ATP9B: variants seen among roughly 807,000 people sequenced by gnomAD.
ATP9B encodes the protein probable phospholipid-transporting ATPase IIB.
In ATP9B, 110 loss-of-function variants were observed where a neutral mutation model predicts 146.1. That is an observed-to-expected ratio of 0.75 (90% CI 0.65 to 0.88). The LOEUF is 0.88. Ranked by LOEUF, ATP9B falls within the 40% of genes least tolerant of loss-of-function variation. The probability of loss-of-function intolerance (pLI) is 0.00; values close to 1 mark genes in which losing one functional copy is unlikely to be tolerated. For missense variants in ATP9B, 1,499 were observed against 1,496.4 expected (o/e 1.00, Z -0.03); for synonymous variants, 604 against 569.7 (o/e 1.06, Z -0.86).
Position 79,153,576 on chromosome 18 carries a change from A to G in ATP9B, c.727-928A>G, listed in dbSNP as rs926312218. Among the ~76,000 whole-genome samples the G allele has an allele frequency of 3.3e-5, 5 of 152,252 alleles. No homozygotes were observed. In the East Asian group the frequency reaches 9.6e-4, roughly 29 times the overall value. On this transcript the variant is annotated intron_variant, in intron 6 of 29. Coordinates refer to ENST00000426216, the MANE Select transcript of ATP9B (RefSeq NM_198531.5). ...GGAGGACATAATTTTTTATAAGGCA[A>G]TACCTGCTGTGTTACATGTACAGAC...
At chr18:79,327,587 G>T (rs1272848661) in intron 15 of ATP9B, among the ~76,000 whole-genome samples, 5 of 133,856 alleles carry the variant, frequency 3.7e-5, no homozygotes, top group South Asian at 2.5e-4. Flanking sequence ...GCTCTCCGTG[G>T]TTAACGTGCC....
At chr18:79,191,710 G>A (rs554266332) in intron 8 of ATP9B, among the ~76,000 whole-genome samples, 11 of 152,156 alleles carry the variant, frequency 7.2e-5, no homozygotes, top group South Asian at 2.1e-4. Context: ...TTGCTTACTC[G>A]TTAGGAGCAT....
intron 4 of ATP9B, among the ~76,000 whole-genome samples, chr18:79,121,524 C>T (rs1171220747): frequency 6.6e-6 from 1 of 152,218 alleles, no homozygotes; most frequent in Non-Finnish European, 1.5e-5. Context: ...CATTTAAGAA[C>T]TCAGATCTAA....
At chr18:79,334,459 C>G (rs963954080) in intron 17 of ATP9B, among the ~76,000 whole-genome samples, 3 of 152,036 alleles carry the variant, frequency 2.0e-5, no homozygotes, top group South Asian at 2.1e-4. Flanking sequence ...TTATAGAACA[C>G]ACCACAGCTT....
chr18:79,076,602 A>T (rs1299405764), intron 1 of ATP9B, among the ~76,000 whole-genome samples: 2 of 152,080 alleles, frequency 1.3e-5, no homozygotes, highest in Non-Finnish European at 2.9e-5. Flanking sequence ...TTTAGTTTTT[A>T]GTCGTTTGAC....
intron 7 of ATP9B, among the ~76,000 whole-genome samples, chr18:79,168,630 T>C (rs6506733): frequency 0.56 from 85,401 of 152,032 alleles, 25,679 homozygotes; most frequent in African/African-American, 0.79. Context: ...TGACTGGCAC[T>C]TCATAAGTAG....
chr18:79,139,585 A>G (rs1465856472), intron 5 of ATP9B, among the ~76,000 whole-genome samples: 1 of 152,224 alleles, frequency 6.6e-6, no homozygotes, highest in Non-Finnish European at 1.5e-5. Flanking sequence ...TGTGGGCTAC[A>G]TGAGATATTT....
At chr18:79,234,087 T>A (rs2148603423) in intron 11 of ATP9B, among the ~76,000 whole-genome samples, 1 of 152,206 alleles carries the variant, frequency 6.6e-6, no homozygotes, top group East Asian at 1.9e-4. Context: ...AGGTAAGTGC[T>A]GGTGAAAACA....
intron 9 of ATP9B, among the ~76,000 whole-genome samples, chr18:79,205,431 A>G (rs1208743176): frequency 2.3e-5 from 2 of 86,204 alleles, no homozygotes; most frequent in Non-Finnish European, 4.8e-5. Context: ...GTACATGCAG[A>G]TTATTTTGGA....
At chr18:79,339,619 A>G (rs184406190) in intron 19 of ATP9B, among the ~76,000 whole-genome samples, 338 of 147,020 alleles carry the variant, frequency 2.3e-3, no homozygotes, top group Non-Finnish European at 2.4e-3. Context: ...CATGATCGCA[A>G]TAGGAAGTGT....
intron 11 of ATP9B, among the ~76,000 whole-genome samples, chr18:79,249,576 G>C (rs2096003010): frequency 6.6e-6 from 1 of 152,142 alleles, no homozygotes; most frequent in South Asian, 2.1e-4. Flanking sequence ...AAGTTATCTG[G>C]TCTGTCCAGG....
chr18:79,306,745 T>C (rs2096622190), intron 14 of ATP9B, among the ~76,000 whole-genome samples: 1 of 152,250 alleles, frequency 6.6e-6, no homozygotes, highest in Non-Finnish European at 1.5e-5. Flanking sequence ...TGTCAGATTT[T>C]TAAGTAGTAT....
intron 12 of ATP9B, among the ~76,000 whole-genome samples, chr18:79,263,714 T>A (rs1393333076): frequency 6.6e-6 from 1 of 152,186 alleles, no homozygotes; most frequent in African/African-American, 2.4e-5. Context: ...TTGCTTCCAG[T>A]TTTTTTACAG....
intron 4 of ATP9B, among the ~76,000 whole-genome samples, chr18:79,113,667 A>C (rs1367087816): frequency 6.6e-6 from 1 of 152,282 alleles, no homozygotes; most frequent in East Asian, 1.9e-4. Flanking sequence ...TGTTTGATGC[A>C]GCTGTTGGGA....
intron 1 of ATP9B, among the ~76,000 whole-genome samples, chr18:79,071,049 C>CTTTTTTCTTTTTTTTTTT (rs1555723402): frequency 6.8e-4 from 76 of 112,256 alleles, no homozygotes; most frequent in African/African-American, 2.6e-3. Flanking sequence ...ATTCCTGTTT[C>CTTTTTTCTTTTTTTTTTT]TTTTTTTTTT....
rs375730395 is a variant in ATP9B at position 79,285,348 on chromosome 18, G to C, written c.1411+8152G>C. On this transcript the variant is annotated intron_variant, in intron 13 of 29. Transcript: ENST00000426216. Reference sequence around the variant, plus strand: ...TGAGATGGTATCTCATTGTGGTTTTGATTTGCATTTCTCTGATGACCAGTG... The same window carrying C: ...TGAGATGGTATCTCATTGTGGTTTTCATTTGCATTTCTCTGATGACCAGTG... 2.4e-3 allele frequency among the ~76,000 whole-genome samples: 363 copies of C among 152,244 alleles called. 1 individual carries two copies. The highest frequency in any genetic ancestry group is 6.4e-3 in the South Asian group (31 of 4,830).
At chr18:79,327,591 A>G (rs112085340) in intron 15 of ATP9B, among the ~76,000 whole-genome samples, 28,103 of 49,112 alleles carry the variant, frequency 0.57, 6,710 homozygotes, top group East Asian at 0.72. Flanking sequence ...TCCGTGGTTA[A>G]CGTGCCCTCC....
chr18:79,134,261 C>A (rs2094420935), intron 5 of ATP9B, among the ~76,000 whole-genome samples: 1 of 152,304 alleles, frequency 6.6e-6, no homozygotes, highest in South Asian at 2.1e-4. Context: ...TTGGCCACTT[C>A]CTACTCAAAA....
At chr18:79,372,994 G>A in intron 27 of ATP9B, 112 bp downstream of exon 27, 1 of 696,832 alleles carries the variant, frequency 1.4e-6, no homozygotes, top group South Asian at 1.9e-5. Context: ...AATGCCATCA[G>A]CAGTTAAATA....
Sources: allele counts gnomAD v4.1 joint callset (sites outside exome capture counted in the v4.1 genomes callset), GRCh38; gene constraint gnomAD v4.1.1; transcripts MANE v1.5; gene names NCBI Gene and HGNC (gene_info 2026-07-23, HGNC 2026-07-21).